The following PLCL2 variants were observed in gnomAD, a reference collection of about 807,000 sequenced individuals.
PLCL2 encodes phospholipase C like 2.
PLCL2 carries 4 observed loss-of-function variants against 79.6 expected under a neutral mutation model. The observed-to-expected ratio is 0.05, with a 90% confidence interval of 0.02 to 0.11. The LOEUF (loss-of-function observed/expected upper bound fraction) is 0.11. Ranked by LOEUF, PLCL2 falls within the 10% of genes least tolerant of loss-of-function variation. PLCL2 has a pLI of 1.00. For synonymous variants in PLCL2, 484 were observed against 457.7 expected, an observed-to-expected ratio of 1.06 and a Z score of -0.73; for missense variants, 895 against 1,291.0, an observed-to-expected ratio of 0.69 and a Z score of 4.70.
chr3:17,065,206 C>T (rs757777647), intron 4 of PLCL2, among the ~76,000 whole-genome samples: 21 of 152,102 alleles, frequency 1.4e-4, no homozygotes, highest in South Asian at 8.3e-4. Flanking sequence ...GGTCTTGTCT[C>T]ATTTTTTTAA....
chr3:16,965,796 G>T (rs1018999220), intron 1 of PLCL2, among the ~76,000 whole-genome samples: 16 of 151,820 alleles, frequency 1.1e-4, no homozygotes, highest in Admixed American at 9.2e-4. Context: ...GTGAATGGGA[G>T]TTCACTCATG....
At chr3:16,895,114 A>G (rs1037966559) in intron 1 of PLCL2, among the ~76,000 whole-genome samples, 4 of 151,964 alleles carry the variant, frequency 2.6e-5, no homozygotes, top group Non-Finnish European at 5.9e-5. Flanking sequence ...ATCGATATAG[A>G]TATATGTTGA....
chr3:16,959,588 G>A (rs1176750570), intron 1 of PLCL2, among the ~76,000 whole-genome samples: 1 of 151,998 alleles, frequency 6.6e-6, no homozygotes, highest in African/African-American at 2.4e-5. Flanking sequence ...AAAAGAGCAT[G>A]GACCTTCCCT....
rs59962852 is a variant in PLCL2, at chr3:17,014,334, AT to A, written c.2815-365del. The stretch of plus-strand genomic sequence containing the variant: ...TGATACTTATTTTAAATCTGATTTG[AT>A]TTTTTTTTCTCCTAAATCTTTACCC... On this transcript the variant is annotated intron_variant, in intron 2 of 5. Coordinates refer to ENST00000615277, the MANE Select transcript of PLCL2 (RefSeq NM_001144382.2). Among the ~76,000 whole-genome samples the A allele has an allele frequency of 4.1e-3, 628 of 151,592 alleles. 3 individuals carry two copies. The highest frequency in any genetic ancestry group is 0.013 in the African/African-American group (541 of 41,290).
chr3:16,947,389 C>CT (rs2063612963), intron 1 of PLCL2, among the ~76,000 whole-genome samples: 1 of 152,122 alleles, frequency 6.6e-6, no homozygotes, highest in Non-Finnish European at 1.5e-5. Flanking sequence ...TCAGGAGAAG[C>CT]GATGGTGCAG....
chr3:17,073,721 T>A (rs1024802365), intron 5 of PLCL2, among the ~76,000 whole-genome samples: 1 of 152,218 alleles, frequency 6.6e-6, no homozygotes, highest in Admixed American at 6.5e-5. Flanking sequence ...ACAGCAATGT[T>A]CACAGCATCT....
intron 1 of PLCL2, among the ~76,000 whole-genome samples, chr3:16,919,411 T>C (rs976542290): frequency 1.3e-5 from 2 of 152,206 alleles, no homozygotes; most frequent in East Asian, 3.8e-4. Flanking sequence ...TTTGTCCTTT[T>C]TTACTGATCA....
chr3:16,892,920 C>T (rs1173975985), intron 1 of PLCL2, among the ~76,000 whole-genome samples: 1 of 152,200 alleles, frequency 6.6e-6, no homozygotes, highest in Non-Finnish European at 1.5e-5. Flanking sequence ...TGAACTGCTC[C>T]ATCACCCTCT....
intron 2 of PLCL2, among the ~76,000 whole-genome samples, chr3:17,013,054 C>G (rs2064344248): frequency 6.6e-6 from 1 of 152,158 alleles, no homozygotes; most frequent in Non-Finnish European, 1.5e-5. Flanking sequence ...AATAAAAGAC[C>G]TTCCCACAAT....
intron 1 of PLCL2, among the ~76,000 whole-genome samples, chr3:16,966,036 C>T (rs2063803002): frequency 6.6e-6 from 1 of 152,024 alleles, no homozygotes; most frequent in African/African-American, 2.4e-5. Flanking sequence ...TTGCCCTGGC[C>T]AGAACTTCCA....
intron 1 of PLCL2, among the ~76,000 whole-genome samples, chr3:16,889,048 C>T (rs369136532): frequency 2.8e-4 from 43 of 152,164 alleles, no homozygotes; most frequent in African/African-American, 9.9e-4. Context: ...TGGCAATCTT[C>T]GGTTCTTTTT....
intron 1 of PLCL2, among the ~76,000 whole-genome samples, chr3:16,960,121 C>A (rs920884360): frequency 6.6e-6 from 1 of 152,096 alleles, no homozygotes; most frequent in Non-Finnish European, 1.5e-5. Context: ...AAAAGTTCAT[C>A]TTCTCCATAA....
chr3:16,904,505 G>A (rs899374225), intron 1 of PLCL2, among the ~76,000 whole-genome samples: 5 of 152,128 alleles, frequency 3.3e-5, no homozygotes, highest in East Asian at 1.9e-4. Flanking sequence ...TTTGAATGAG[G>A]CCTGTCTTTC....
intron 1 of PLCL2, among the ~76,000 whole-genome samples, chr3:16,961,495 G>T (rs975936464): frequency 1.3e-5 from 2 of 152,156 alleles, no homozygotes; most frequent in African/African-American, 4.8e-5. Flanking sequence ...GTTTAAGGAA[G>T]TTTAATCCTG....
intron 5 of PLCL2, among the ~76,000 whole-genome samples, chr3:17,075,989 T>A (rs1484069208): frequency 6.6e-6 from 1 of 152,240 alleles, no homozygotes; most frequent in African/African-American, 2.4e-5. Flanking sequence ...AACATTCACA[T>A]ATCAGTCTTT....
intron 1 of PLCL2, among the ~76,000 whole-genome samples, chr3:16,960,403 A>G (rs2063744318): frequency 6.6e-6 from 1 of 152,108 alleles, no homozygotes; most frequent in Admixed American, 6.5e-5. Flanking sequence ...GACAATTTCT[A>G]AACACTATAG....
intron 1 of PLCL2, among the ~76,000 whole-genome samples, chr3:16,966,830 A>C (rs529742160): frequency 6.6e-6 from 1 of 152,138 alleles, no homozygotes; most frequent in Admixed American, 6.6e-5. Flanking sequence ...TTTTAAGTTC[A>C]GAGGTCACGG....
chr3:17,079,104 C>T (rs950109881), intron 5 of PLCL2, among the ~76,000 whole-genome samples: 12 of 152,130 alleles, frequency 7.9e-5, no homozygotes, highest in East Asian at 3.9e-4. Flanking sequence ...ATTAATAGCG[C>T]GAAGGAGGTG....
chr3:17,031,990 A>G (rs1266886250), intron 3 of PLCL2, among the ~76,000 whole-genome samples: 1 of 146,188 alleles, frequency 6.8e-6, no homozygotes, highest in Non-Finnish European at 1.5e-5. Flanking sequence ...ACCAGAAACT[A>G]CAAGATCAAA....
Sources: allele counts gnomAD v4.1 joint callset (sites outside exome capture counted in the v4.1 genomes callset), GRCh38; gene constraint gnomAD v4.1.1; transcripts MANE v1.5; gene names NCBI Gene and HGNC (gene_info 2026-07-23, HGNC 2026-07-21).